Variants in DGKD observed in about 807,000 individuals in gnomAD.
DGKD encodes the protein diacylglycerol kinase delta.
Under a neutral mutation model 154.4 loss-of-function variants are expected in DGKD, and 68 were observed. That is an observed-to-expected ratio of 0.44 (90% CI 0.36 to 0.54). The LOEUF (loss-of-function observed/expected upper bound fraction) is 0.54. DGKD is among the 20% of genes least tolerant of loss of function. The pLI is 0.00. For missense variants in DGKD, 1,343 were observed against 1,593.6 expected, an observed-to-expected ratio of 0.84 and a Z score of 2.68; for synonymous variants, 693 against 638.0, an observed-to-expected ratio of 1.09 and a Z score of -1.30.
chr2:233,410,320 C>T (rs1037910526), intron 3 of DGKD, among the ~76,000 whole-genome samples: 9 of 152,134 alleles, frequency 5.9e-5, no homozygotes, highest in Non-Finnish European at 1.2e-4. Context: ...TGTCCTGTGC[C>T]CGTCATTGAC....
Position 233,434,487 on chromosome 2 carries a change from T to TA in DGKD, c.453+9dup, listed in dbSNP as rs757979130. ...TGCAGAACAGGGAGCACTTTGAGGTTAAAAAAGAAAATACCCTTCTCCAAA... is the reference window on the plus strand; with the variant it reads ...TGCAGAACAGGGAGCACTTTGAGGTTAAAAAAAGAAAATACCCTTCTCCAAA... On this transcript the variant is annotated splice_donor_region_variant and intron_variant, in intron 4 of 29. Coordinates refer to ENST00000264057, the MANE Select transcript of DGKD (RefSeq NM_152879.3). 6.2e-7 allele frequency: 1 copy of TA among 1,613,332 alleles called. No homozygotes were observed. Among genetic ancestry groups the TA allele is most frequent in the South Asian group, 1.1e-5 (1 of 90,998 alleles).
intron 1 of DGKD, among the ~76,000 whole-genome samples, chr2:233,368,895 C>T (rs887640488): frequency 1.3e-5 from 2 of 152,198 alleles, no homozygotes; most frequent in African/African-American, 4.8e-5. Flanking sequence ...GCTGGAGTTT[C>T]AGGTAGAAGG....
intron 1 of DGKD, among the ~76,000 whole-genome samples, chr2:233,383,408 T>C (rs1703003179): frequency 6.6e-6 from 1 of 152,178 alleles, no homozygotes; most frequent in African/African-American, 2.4e-5. Flanking sequence ...GTAGTGTACC[T>C]TTTTTTCCCA....
intron 3 of DGKD, among the ~76,000 whole-genome samples, chr2:233,396,457 A>G (rs1704038473): frequency 1.3e-5 from 1 of 75,522 alleles, no homozygotes; most frequent in African/African-American, 6.7e-5. Context: ...TGCGGTGGGT[A>G]GAAATGGAGA....
chr2:233,457,237 TC>T lies in DGKD; in HGVS notation c.2492del (p.Pro831HisfsTer72). On this transcript the variant is annotated frameshift_variant, in exon 21 of 30. Transcript: ENST00000264057. LOFTEE classifies it high-confidence loss of function. This position sits in a 1 kb window ranked among gnomAD's most constrained non-coding sequence, Gnocchi z 5.5. ...GCTGCTCAGTGTGACGGGCGACCCA[TC>T]CCACTCCCCAGTCTTCAGGGAATTG... ...KVLLECDGRP[I>X]PLPSLQGIAV... The T allele has an allele frequency of 2.0e-6, 3 of 1,518,754 alleles. No homozygotes were observed. Among genetic ancestry groups the T allele is most frequent in the Non-Finnish European group, 2.6e-6 (3 of 1,133,762 alleles). 94.1% of individuals were successfully genotyped at this position (1,518,754 alleles called of 1,614,324 possible). A position where few individuals can be genotyped will look rare whatever the true frequency, so the allele number is the denominator to read the frequency against.
At chr2:233,442,542 C>T (rs1191290305) in intron 10 of DGKD, 2 of 246,386 alleles carry the variant, frequency 8.1e-6, no homozygotes, top group Non-Finnish European at 1.6e-5. Context: ...GATCACAGTA[C>T]ATACAATGCA....
intron 26 of DGKD, chr2:233,463,873 A>G (rs576632294): frequency 4.7e-4 from 187 of 400,960 alleles, no homozygotes; most frequent in African/African-American, 3.6e-3. Context: ...ACACAGGTGA[A>G]TGGCTCCGAC....
intron 1 of DGKD, among the ~76,000 whole-genome samples, chr2:233,382,850 G>A (rs551514815): frequency 9.4e-4 from 143 of 152,264 alleles, no homozygotes; most frequent in African/African-American, 3.0e-3. Context: ...CTGTGCACAC[G>A]TGGACCCACC....
At chr2:233,367,971 C>A (rs1441810605) in intron 1 of DGKD, among the ~76,000 whole-genome samples, 1 of 151,064 alleles carries the variant, frequency 6.6e-6, no homozygotes, top group East Asian at 2.0e-4. Flanking sequence ...GGATTACAGG[C>A]ATGAGCCACC....
chr2:233,448,164 G>A lies in DGKD; in HGVS notation c.1497G>A (p.Val499=), dbSNP rs1181019537. 6.2e-7 allele frequency: 1 copy of A among 1,614,204 alleles called. No homozygotes were observed. The highest frequency in any genetic ancestry group is 1.7e-5 in the Admixed American group (1 of 60,026). ...TCCTCACCTCGGACCAGCACTCGGT[G>A]GTCATCTCCTCGGCCAAGTGAGTGC... ...SKILTSDQHS[V]VISSAKVLCE... Residue 499 remains valine (V), a synonymous_variant, in exon 13 of 30, where the codon GTG becomes GTA. Transcript: ENST00000264057.
In DGKD at chr2:233,457,178, C is replaced by G; in HGVS notation, c.2473-43C>G. 6.8e-7 allele frequency: 1 copy of G among 1,464,102 alleles called. No individual in the cohort carries two copies. Among genetic ancestry groups the G allele is most frequent in the Non-Finnish European group, 9.2e-7 (1 of 1,083,628 alleles). 90.7% of individuals were successfully genotyped at this position (1,464,102 alleles called of 1,614,324 possible). On this transcript the variant is annotated intron_variant, in intron 20 of 29. Transcript: ENST00000264057. This position sits in a 1 kb window ranked among gnomAD's most constrained non-coding sequence, Gnocchi z 5.5. ...GCTGGTAGAGAAGGAGGGGCTGACT[C>G]ATACCTTTCTCTTTTCTTTTGTTCT...
chr2:233,387,264 C>G (rs960387988), intron 1 of DGKD, among the ~76,000 whole-genome samples: 6 of 152,186 alleles, frequency 3.9e-5, no homozygotes, highest in Non-Finnish European at 8.8e-5. Flanking sequence ...GGTAGTTAAG[C>G]AAAAGCTTCT....
At chr2:233,462,578 TCCCTGC>T in intron 25 of DGKD, 59 bp from the exon 26 acceptor site, 1 of 1,563,464 alleles carries the variant, frequency 6.4e-7, no homozygotes, top group Non-Finnish European at 8.8e-7. Context: ...CAGTGCTTGT[TCCCTGC>T]CCCTAACCGT....
At position 233,463,707 on chromosome 2, in the gene DGKD, C is replaced by T. The variant is rs375207717; in HGVS notation, c.3187-457C>T. The T allele has an allele frequency of 8.5e-4, 177 of 208,644 alleles. 7 individuals carry two copies. In the South Asian group the frequency reaches 0.014, roughly 16 times the overall value. The allele number at this position is 208,644 out of a possible 1,614,324, so 12.9% of individuals were successfully genotyped here. On this transcript the variant is annotated intron_variant, in intron 26 of 29. Coordinates refer to ENST00000264057, the MANE Select transcript of DGKD (RefSeq NM_152879.3). The stretch of plus-strand genomic sequence containing the variant: ...CATCACCTCACTCCACGCATCACCT[C>T]ACTCCACAGAAATCCTCACTCTACG...
At chr2:233,406,956 T>C (rs2061701413) in intron 3 of DGKD, among the ~76,000 whole-genome samples, 1 of 152,212 alleles carries the variant, frequency 6.6e-6, no homozygotes, top group Non-Finnish European at 1.5e-5. Context: ...CAAGTAATAT[T>C]TTTGAATAGT....
At chr2:233,359,105 G>A (rs528298596) in intron 1 of DGKD, among the ~76,000 whole-genome samples, 1 of 152,290 alleles carries the variant, frequency 6.6e-6, no homozygotes, top group South Asian at 2.1e-4. Context: ...AATGTAAAAG[G>A]TTTTTAATGC....
chr2:233,446,614 A>G, intron 11 of DGKD, 98 bp from the exon 12 acceptor site: 3 of 1,267,290 alleles, frequency 2.4e-6, no homozygotes, highest in Non-Finnish European at 1.1e-6. Context: ...GAAACGGTGT[A>G]AAGATCAAGG....
chr2:233,450,756 A>C (rs1014019748), intron 16 of DGKD, among the ~76,000 whole-genome samples, 166 bp from the exon 17 acceptor site: 4 of 150,916 alleles, frequency 2.7e-5, no homozygotes, highest in Admixed American at 2.0e-4. Context: ...ATGTGCACCC[A>C]CTCGGTCCTC....
At chr2:233,385,053 C>G (rs1171975996) in intron 1 of DGKD, among the ~76,000 whole-genome samples, 1 of 152,218 alleles carries the variant, frequency 6.6e-6, no homozygotes, top group African/African-American at 2.4e-5. Context: ...TCTGGTGATG[C>G]AGCCACGTGT....
Sources: gnomAD v4.1 joint callset for allele counts (sites outside exome capture counted in the v4.1 genomes callset) on GRCh38, gnomAD v4.1.1 for gene constraint, Gnocchi (gnomAD v3.1) non-coding constraint, MANE v1.5 for transcripts, NCBI Gene and HGNC (gene_info 2026-07-23, HGNC 2026-07-21) for gene names.